Variants in CELF2 observed in about 807,000 individuals in gnomAD.
The protein encoded by CELF2 is CUG triplet repeat RNA-binding protein 2.
A neutral mutation model predicts 62.6 loss-of-function variants in CELF2; 8 were observed. The observed-to-expected ratio is 0.13, with a 90% CI of 0.07 to 0.23. The LOEUF (loss-of-function observed/expected upper bound fraction) is 0.23, where lower values mean the gene tolerates loss of function less well. Ranked by LOEUF, CELF2 falls within the 10% of genes least tolerant of loss-of-function variation. The pLI, the probability that CELF2 is intolerant of heterozygous loss-of-function variation, is 1.00. For synonymous variants in CELF2, 258 were observed against 250.0 expected (o/e 1.03, Z -0.30); for missense variants, 333 against 671.0 (o/e 0.50, Z 5.56).
At position 10,972,288 on chromosome 10, in the gene CELF2, A is replaced by T. The variant is rs2050833652; in HGVS notation, c.89+52289A>T. Among the ~76,000 whole-genome samples the T allele has an allele frequency of 6.6e-6, 1 of 152,190 alleles. No individual in the cohort carries two copies. Among genetic ancestry groups the T allele is most frequent in the Admixed American group, 6.5e-5 (1 of 15,290 alleles). On this transcript the variant is annotated intron_variant, in intron 2 of 13. Coordinates refer to the CELF2 transcript ENST00000636488. The surrounding 1 kb of genome is among the most constrained non-coding windows in gnomAD (Gnocchi z 4.4). The stretch of plus-strand genomic sequence containing the variant: ...AAATGAAGAGTTCTGTGGTTAAATG[A>T]TTTTAGGAAGCTCTACATATCATCA...
At chr10:11,294,468 T>C (rs549325920) in intron 9 of CELF2, among the ~76,000 whole-genome samples, 1 of 152,356 alleles carries the variant, frequency 6.6e-6, no homozygotes, top group East Asian at 1.9e-4. Context: ...CGTCCTCTTT[T>C]TCTTCTTACA....
intron 1 of CELF2, among the ~76,000 whole-genome samples, chr10:10,855,992 T>C (rs1440498369): frequency 6.6e-6 from 1 of 152,126 alleles, no homozygotes; most frequent in African/African-American, 2.4e-5. Context: ...GGATCTAAGA[T>C]CTAGGAAAGG....
the CELF2 span, among the ~76,000 whole-genome samples, chr10:10,704,969 C>T: frequency 6.6e-6 from 1 of 151,552 alleles, no homozygotes; most frequent in Non-Finnish European, 1.5e-5. Context: ...TGGAAGGATC[C>T]CTTGAGGCCA....
At chr10:10,625,152 C>T in the CELF2 span, among the ~76,000 whole-genome samples, 1 of 151,432 alleles carries the variant, frequency 6.6e-6, no homozygotes, top group African/African-American at 2.4e-5. Context: ...TGTGTAAAAA[C>T]ATAGGGAAGG....
At chr10:10,884,309 A>G (rs1260561603) in intron 1 of CELF2, among the ~76,000 whole-genome samples, 1 of 152,194 alleles carries the variant, frequency 6.6e-6, no homozygotes, top group African/African-American at 2.4e-5. Flanking sequence ...GCTTTGGGAA[A>G]GTAGAACCTG....
intron 1 of CELF2, among the ~76,000 whole-genome samples, chr10:11,036,967 G>A (rs1051910152): frequency 5.3e-5 from 8 of 152,082 alleles, no homozygotes; most frequent in African/African-American, 1.9e-4. Flanking sequence ...CTGACTGTGG[G>A]CGTCTTGCGC....
chr10:10,652,910 A>G, the CELF2 span, among the ~76,000 whole-genome samples: 26 of 152,224 alleles, frequency 1.7e-4, no homozygotes, highest in Non-Finnish European at 2.9e-4. Flanking sequence ...CAATTAAAAG[A>G]CACAGACTGG....
At position 11,268,274 on chromosome 10, in the gene CELF2, G is replaced by A. The variant is rs1003484568; in HGVS notation, c.618+1597G>A. ...TACTTGTATTATCTTCCATATACGC[G>A]TTTCATTCTTATTTTTATTTCTTGT... is the stretch of plus-strand genomic sequence containing the variant. On this transcript the variant is annotated intron_variant, in intron 6 of 12. Coordinates refer to ENST00000633077, the MANE Select transcript of CELF2 (RefSeq NM_001326342.2). This position sits in a 1 kb window ranked among gnomAD's most constrained non-coding sequence, Gnocchi z 4.7. Among the ~76,000 whole-genome samples, 5 of 152,058 alleles carry A rather than the reference G, an allele frequency of 3.3e-5. No homozygotes were observed. Among genetic ancestry groups the A allele is most frequent in the African/African-American group, 9.7e-5 (4 of 41,386 alleles).
At chr10:10,568,393 T>C in the CELF2 span, among the ~76,000 whole-genome samples, 1 of 152,216 alleles carries the variant, frequency 6.6e-6, no homozygotes. Flanking sequence ...GCATCTGTTT[T>C]GTAAATGAAG....
At chr10:11,100,221 A>AAAT (rs1554835562) in intron 1 of CELF2, among the ~76,000 whole-genome samples, 23 of 149,898 alleles carry the variant, frequency 1.5e-4, no homozygotes, top group East Asian at 5.8e-4. Context: ...ATAAATAAAT[A>AAAT]AAATAAATAA....
intron 1 of CELF2, among the ~76,000 whole-genome samples, chr10:11,142,300 C>T (rs562575907): frequency 5.9e-5 from 9 of 152,214 alleles, no homozygotes; most frequent in Middle Eastern, 3.4e-3. Context: ...AGTTTGTGCC[C>T]TATGGTTCTT....
In CELF2 at chr10:11,156,695, C is replaced by T. The variant is rs920590575; in HGVS notation, c.75-8791C>T. On this transcript the variant is annotated intron_variant, in intron 1 of 12. Transcript: ENST00000633077. This position sits in a 1 kb window ranked among gnomAD's most constrained non-coding sequence, Gnocchi z 4.3. ...ACATCCCTGTCTTCAGGATGTCACA[C>T]TTCCACCATGCACTTGATGGGGCTT... Among the ~76,000 whole-genome samples, 2 of 152,204 alleles carry T rather than the reference C, an allele frequency of 1.3e-5. No homozygotes were observed. Among genetic ancestry groups the T allele is most frequent in the African/African-American group, 4.8e-5 (2 of 41,442 alleles).
intron 1 of CELF2, among the ~76,000 whole-genome samples, chr10:10,883,989 C>G (rs1419201959): frequency 6.6e-6 from 1 of 151,862 alleles, no homozygotes; most frequent in Non-Finnish European, 1.5e-5. Flanking sequence ...CTCTACACCT[C>G]TTCCTTCTCC....
intron 1 of CELF2, among the ~76,000 whole-genome samples, chr10:10,862,581 A>G (rs1472025894): frequency 6.6e-6 from 1 of 152,230 alleles, no homozygotes; most frequent in Non-Finnish European, 1.5e-5. Context: ...GAAGTTATTC[A>G]ACATCACTTT....
intron 1 of CELF2, among the ~76,000 whole-genome samples, chr10:10,840,372 G>A (rs2058598625): frequency 6.6e-6 from 1 of 152,164 alleles, no homozygotes; most frequent in Non-Finnish European, 1.5e-5. Flanking sequence ...CCAGCAATTG[G>A]CATTGCCAAT....
chr10:11,198,528 C>T (rs2058505927), intron 2 of CELF2, among the ~76,000 whole-genome samples: 1 of 152,228 alleles, frequency 6.6e-6, no homozygotes, highest in South Asian at 2.1e-4. Flanking sequence ...CTCATCTGAA[C>T]ATAGGTAGAC....
the CELF2 span, among the ~76,000 whole-genome samples, chr10:10,570,227 G>A: frequency 6.6e-6 from 1 of 152,202 alleles, no homozygotes; most frequent in African/African-American, 2.4e-5. Flanking sequence ...TCCTGGATCA[G>A]TCAATGGCCT....
At chr10:10,619,139 T>C in the CELF2 span, among the ~76,000 whole-genome samples, 46 of 152,348 alleles carry the variant, frequency 3.0e-4, no homozygotes, top group African/African-American at 1.1e-3. Context: ...GCTGCTAGCA[T>C]TTACCTATGC....
At chr10:10,923,180 C>T (rs972055787) in intron 2 of CELF2, 1 of 152,130 alleles carries the variant, frequency 6.6e-6, no homozygotes, top group South Asian at 2.1e-4. Context: ...CATGACACTT[C>T]GAGTTTTTTC....
Sources: gnomAD v4.1 joint callset for allele counts (sites outside exome capture counted in the v4.1 genomes callset) on GRCh38, gnomAD v4.1.1 for gene constraint, Gnocchi (gnomAD v3.1) non-coding constraint, MANE v1.5 for transcripts, NCBI Gene and HGNC (gene_info 2026-07-23, HGNC 2026-07-21) for gene names.